FAM114A2: variants seen among roughly 807,000 people sequenced by gnomAD.
FAM114A2 encodes the protein protein FAM114A2.
FAM114A2 carries 53 observed loss-of-function variants against 58.4 expected under a neutral mutation model. The observed-to-expected ratio is 0.91, with a 90% CI of 0.73 to 1.14. The LOEUF (loss-of-function observed/expected upper bound fraction) is 1.14. FAM114A2 is among the 50% of genes most tolerant of loss of function. The probability of loss-of-function intolerance (pLI) is 0.00; values close to 1 mark genes in which losing one functional copy is unlikely to be tolerated. For synonymous variants in FAM114A2, 228 were observed against 211.4 expected (o/e 1.08, Z -0.68); for missense variants, 601 against 581.1 (o/e 1.03, Z -0.35).
At chr5:154,013,793 C>A (rs1478162426) in intron 8 of FAM114A2, among the ~76,000 whole-genome samples, 4 of 152,172 alleles carry the variant, frequency 2.6e-5, no homozygotes, top group Non-Finnish European at 4.4e-5. Context: ...AAATTAATTT[C>A]TTGGTTTCCT....
Position 153,992,942 on chromosome 5 carries a change from C to T in FAM114A2, c.*34G>A, listed in dbSNP as rs375972557. On this transcript the variant is annotated 3_prime_UTR_variant, in exon 14 of 14. Transcript: ENST00000351797. The stretch of plus-strand genomic sequence containing the variant: ...CCAGAATAAGGTGGCATTCCTTGGC[C>T]GTCACAAGTCCCAGGTCAAAACGTC... The T allele has an allele frequency of 3.6e-5, 58 of 1,593,092 alleles. No individual in the cohort carries two copies. The African/African-American group carries it at 5.1e-4, about 14-fold the overall frequency.
intron 13 of FAM114A2, 35 bp downstream of exon 13, chr5:153,994,884 C>T (rs1769455682): frequency 1.4e-6 from 2 of 1,385,118 alleles, no homozygotes; most frequent in African/African-American, 1.4e-5. Context: ...ATACGTAATA[C>T]CTTTGGAGTC....
In FAM114A2 at chr5:154,002,304, C is replaced by T; in HGVS notation, c.1203G>A (p.Leu401=). The T allele has an allele frequency of 6.2e-7, 1 of 1,613,938 alleles. No homozygotes were observed. Among genetic ancestry groups the T allele is most frequent in the African/African-American group, 1.3e-5 (1 of 75,030 alleles). ...ELFHKTAALV[L]HGRKQEVTAI... is the part of the protein sequence containing the mutation. Reference sequence around the variant, plus strand: ...CTGTCACTTCCTGCTTCCTGCCATGCAGAACCAATGCAGCTGTTTTGTGGA... The same window carrying T: ...CTGTCACTTCCTGCTTCCTGCCATGTAGAACCAATGCAGCTGTTTTGTGGA... Residue 401 remains leucine (L), a synonymous_variant, in exon 11 of 14, where the codon CTG becomes CTA. Transcript: ENST00000351797.
chr5:154,030,322 A>C (rs753082697), intron 4 of FAM114A2, among the ~76,000 whole-genome samples: 13 of 152,242 alleles, frequency 8.5e-5, no homozygotes, highest in Non-Finnish European at 1.5e-4. Context: ...ATAGGAGAAC[A>C]ACCATTATAC....
At chr5:153,994,743 T>C (rs1561537129) in intron 13 of FAM114A2, 176 bp downstream of exon 13, 2 of 551,444 alleles carry the variant, frequency 3.6e-6, no homozygotes, top group Non-Finnish European at 6.5e-6. Context: ...CTGTATGCTT[T>C]CTAATTAATA....
At chr5:154,012,406 T>C in intron 8 of FAM114A2, among the ~76,000 whole-genome samples, 1 of 152,212 alleles carries the variant, frequency 6.6e-6, no homozygotes, top group East Asian at 1.9e-4. Flanking sequence ...CCCCACTTTG[T>C]GGTCCAGCCC....
At chr5:154,006,568 G>T (rs1179852246) in intron 9 of FAM114A2, among the ~76,000 whole-genome samples, 1 of 152,124 alleles carries the variant, frequency 6.6e-6, no homozygotes, top group Non-Finnish European at 1.5e-5. Flanking sequence ...AATTAGGTTG[G>T]AGTAGTGAGG....
chr5:154,035,167 A>ATGCC (rs1027543788), intron 1 of FAM114A2, among the ~76,000 whole-genome samples, 200 bp from the exon 2 acceptor site: 1 of 152,186 alleles, frequency 6.6e-6, no homozygotes, highest in Non-Finnish European at 1.5e-5. Flanking sequence ...ACTGATATCA[A>ATGCC]TGCAATCCAC....
chr5:154,020,561 TC>T (rs1771344430), intron 8 of FAM114A2, among the ~76,000 whole-genome samples: 1 of 152,090 alleles, frequency 6.6e-6, no homozygotes, highest in Non-Finnish European at 1.5e-5. Flanking sequence ...ATGGAGACAT[TC>T]CTGGACACAC....
chr5:154,016,845 G>C (rs1417069753), intron 8 of FAM114A2, among the ~76,000 whole-genome samples: 1 of 152,062 alleles, frequency 6.6e-6, no homozygotes, highest in Non-Finnish European at 1.5e-5. Flanking sequence ...ATTGCAAGAA[G>C]GATAAGAACT....
At chr5:154,013,470 ACTGGGGAAGG>A (rs1770831622) in intron 8 of FAM114A2, among the ~76,000 whole-genome samples, 1 of 152,176 alleles carries the variant, frequency 6.6e-6, no homozygotes, top group Non-Finnish European at 1.5e-5. Flanking sequence ...AACCAAAATC[ACTGGGGAAGG>A]CTGGGGCACA....
intron 9 of FAM114A2, among the ~76,000 whole-genome samples, chr5:154,007,959 T>C (rs1370083221): frequency 2.0e-5 from 3 of 152,108 alleles, no homozygotes; most frequent in Non-Finnish European, 2.9e-5. Context: ...CAGAAAGTAA[T>C]AGGTAGTAGA....
chr5:154,021,029 G>A (rs1000250312), intron 8 of FAM114A2, among the ~76,000 whole-genome samples: 10 of 152,048 alleles, frequency 6.6e-5, no homozygotes, highest in Non-Finnish European at 1.3e-4. Context: ...CACGTAAACA[G>A]AACCAACGAC....
intron 11 of FAM114A2, among the ~76,000 whole-genome samples, chr5:154,001,415 C>A (rs924824349): frequency 3.3e-5 from 5 of 152,126 alleles, no homozygotes; most frequent in African/African-American, 1.2e-4. Context: ...GAAATAGCCT[C>A]TTTTCCGCAG....
chr5:154,031,460 T>A (rs1031064693), intron 4 of FAM114A2, among the ~76,000 whole-genome samples: 1 of 152,134 alleles, frequency 6.6e-6, no homozygotes, highest in East Asian at 1.9e-4. Context: ...CAATGGCCTA[T>A]GCTTATCTCA....
intron 8 of FAM114A2, among the ~76,000 whole-genome samples, chr5:154,014,418 T>C (rs987582391): frequency 1.1e-4 from 17 of 152,152 alleles, no homozygotes; most frequent in Non-Finnish European, 2.2e-4. Context: ...AGAACCCATA[T>C]ACCCTCTGAA....
chr5:154,010,719 C>T (rs1252946462), intron 9 of FAM114A2, among the ~76,000 whole-genome samples: 1 of 152,152 alleles, frequency 6.6e-6, no homozygotes, highest in Non-Finnish European at 1.5e-5. Context: ...TCTCCACATT[C>T]CAAATATAAG....
At chr5:154,009,243 T>C (rs1025636763) in intron 9 of FAM114A2, among the ~76,000 whole-genome samples, 5 of 151,838 alleles carry the variant, frequency 3.3e-5, no homozygotes, top group Admixed American at 6.6e-5. Context: ...TGCCAGAAAA[T>C]AAGGAAGCAC....
In FAM114A2 at chr5:154,034,972, TA is replaced by T. The variant is rs774594544; in HGVS notation, c.-14-6del. 7.1e-6 allele frequency: 11 copies of T among 1,543,586 alleles called. No individual in the cohort carries two copies. Among genetic ancestry groups the T allele is most frequent in the South Asian group, 5.8e-5 (5 of 85,858 alleles). ...CTGACATGATTAGAACATCAGCTGG[TA>T]AAATGAAAGCCCAAAAAAAATTTAT... On this transcript the variant is annotated splice_polypyrimidine_tract_variant and splice_region_variant and intron_variant, in intron 1 of 13. Coordinates refer to ENST00000351797, the MANE Select transcript of FAM114A2 (RefSeq NM_018691.4).
Sources: allele counts gnomAD v4.1 joint callset (sites outside exome capture counted in the v4.1 genomes callset), GRCh38; gene constraint gnomAD v4.1.1; transcripts MANE v1.5; gene names NCBI Gene and HGNC (gene_info 2026-07-23, HGNC 2026-07-21).